NBEAL1: variants seen among roughly 807,000 people sequenced by gnomAD.
NBEAL1 encodes the protein neurobeachin-like protein 1.
In NBEAL1, 273 loss-of-function variants were observed where a neutral mutation model predicts 351.3. The ratio of observed to expected loss-of-function variants is 0.78; its 90% CI spans 0.70 to 0.86. The LOEUF is 0.86. Ranked by LOEUF, NBEAL1 falls within the 40% of genes least tolerant of loss-of-function variation. The pLI is 0.00. For missense variants in NBEAL1, 2,961 were observed against 3,201.3 expected (o/e 0.92, Z 1.81); for synonymous variants, 1,050 against 1,086.4 (o/e 0.97, Z 0.66).
chr2:203,126,606 T>C lies in NBEAL1; in HGVS notation c.3035T>C (p.Leu1012Pro), dbSNP rs1244735183. The stretch of plus-strand genomic sequence containing the variant: ...AATGTGTTGATGGCAGTTCAGTTAC[T>C]AATTGAACAAGTATCATTAGAGAAA... The part of the protein sequence containing the change: ...DVNVLMAVQL[L>P]IEQVSLEKNM... The change falls in exon 22 of 56, where the codon CTA becomes CCA. Residue 1012 changes from leucine (L) to proline (P), a missense_variant. Physicochemically the swap from Leu to Pro is moderately conservative, Grantham distance 98. Transcript: ENST00000683969. The C allele has an allele frequency of 5.9e-6, 9 of 1,520,534 alleles. No individual in the cohort carries two copies. Among genetic ancestry groups the C allele is most frequent in the Non-Finnish European group, 7.9e-6 (9 of 1,134,970 alleles). 94.2% of individuals were successfully genotyped at this position (1,520,534 alleles called of 1,614,324 possible). A position where few individuals can be genotyped will look rare whatever the true frequency, so the allele number is the denominator to read the frequency against.
chr2:203,115,504 C>G (rs879763410), intron 17 of NBEAL1, among the ~76,000 whole-genome samples: 10 of 152,156 alleles, frequency 6.6e-5, no homozygotes, highest in Non-Finnish European at 1.5e-4. Flanking sequence ...GGCGCAATCT[C>G]AGATCACTGC....
At chr2:203,158,010 A>G (rs960871892) in intron 36 of NBEAL1, among the ~76,000 whole-genome samples, 185 bp downstream of exon 36, 2 of 152,210 alleles carry the variant, frequency 1.3e-5, no homozygotes, top group Non-Finnish European at 2.9e-5. Context: ...CTGGGATAAC[A>G]TGGAACTGGA....
chr2:203,175,374 T>G, intron 42 of NBEAL1, 87 bp downstream of exon 42: 1 of 1,285,872 alleles, frequency 7.8e-7, no homozygotes. Flanking sequence ...GTGTAACATG[T>G]CTTTTTTATT....
chr2:203,141,889 T>A (rs2063391491), intron 31 of NBEAL1, among the ~76,000 whole-genome samples: 1 of 152,188 alleles, frequency 6.6e-6, no homozygotes, highest in Non-Finnish European at 1.5e-5. Context: ...TGTTAATTAA[T>A]TGCCAGTATT....
chr2:203,192,963 CTTT>C (rs71408917), intron 46 of NBEAL1, among the ~76,000 whole-genome samples: 2 of 99,330 alleles, frequency 2.0e-5, no homozygotes, highest in African/African-American at 3.9e-5. Context: ...TTCTTTCTTT[CTTT>C]TTTTTTTTTT....
In NBEAL1 at chr2:203,117,315, T is replaced by A. The variant is rs192723670; in HGVS notation, c.2592+1245T>A. On this transcript the variant is annotated intron_variant, in intron 18 of 55. Transcript: ENST00000683969. ...CCGTCTCTATAAAAATACAAAAAAT[T>A]AGCCAGGCGCGGTGGCGGGCGCCTG... is the stretch of plus-strand genomic sequence containing the variant. Among the ~76,000 whole-genome samples the A allele has an allele frequency of 4.6e-5, 7 of 152,000 alleles. No homozygotes were observed. In the East Asian group the frequency reaches 1.2e-3, roughly 25 times the overall value.
intron 37 of NBEAL1, 49 bp downstream of exon 37, chr2:203,166,346 C>G (rs748384043): frequency 4.0e-6 from 6 of 1,495,870 alleles, no homozygotes; most frequent in Admixed American, 2.1e-5. Flanking sequence ...AATTAAGTAT[C>G]TAATTTATCA....
intron 2 of NBEAL1, among the ~76,000 whole-genome samples, chr2:203,037,490 G>C (rs1203279701): frequency 6.7e-6 from 1 of 149,018 alleles, no homozygotes; most frequent in Non-Finnish European, 1.5e-5. Flanking sequence ...AAAATGCACA[G>C]ATTTTAAGTG....
At position 203,173,870 on chromosome 2, in the gene NBEAL1, G is replaced by A. The variant is rs1441508062; in HGVS notation, c.6323+1017G>A. On this transcript the variant is annotated intron_variant, in intron 41 of 55. Coordinates refer to ENST00000683969, the MANE Select transcript of NBEAL1 (RefSeq NM_001378026.1). The stretch of plus-strand genomic sequence containing the variant: ...GAATATTAATGAGTAGTATGTAAAA[G>A]GAAATTGGCCTCAGCTTAATGAACC... Among the ~76,000 whole-genome samples the A allele has an allele frequency of 2.0e-5, 3 of 152,014 alleles. No individual in the cohort carries two copies. The East Asian group carries it at 5.8e-4, about 29-fold the overall frequency.
chr2:203,050,016 G>A, intron 4 of NBEAL1, 41 bp downstream of exon 4: 1 of 1,530,904 alleles, frequency 6.5e-7, no homozygotes, highest in Non-Finnish European at 8.8e-7. Flanking sequence ...ACTCATAGGT[G>A]GGAGTTGAAC....
At chr2:203,193,676 A>T in intron 46 of NBEAL1, 119 bp from the exon 47 acceptor site, 1 of 602,340 alleles carries the variant, frequency 1.7e-6, no homozygotes, top group Middle Eastern at 4.6e-4. Context: ...AACACCTATA[A>T]TTGTCAACAA....
chr2:203,149,385 A>G (rs1164241878), intron 34 of NBEAL1, among the ~76,000 whole-genome samples: 1 of 152,084 alleles, frequency 6.6e-6, no homozygotes, highest in East Asian at 1.9e-4. Flanking sequence ...AGTTTATTGG[A>G]CTTTAGACTC....
chr2:203,114,649 T>A (rs1268184149), intron 17 of NBEAL1, among the ~76,000 whole-genome samples: 2 of 152,232 alleles, frequency 1.3e-5, no homozygotes, highest in Non-Finnish European at 2.9e-5. Flanking sequence ...TTCTTATTTG[T>A]CTAAATATCT....
chr2:203,186,114 C>T (rs2064890566), intron 44 of NBEAL1, among the ~76,000 whole-genome samples: 1 of 152,186 alleles, frequency 6.6e-6, no homozygotes, highest in Admixed American at 6.5e-5. Flanking sequence ...AGATCTATGT[C>T]ACAGGTACTC....
intron 12 of NBEAL1, among the ~76,000 whole-genome samples, chr2:203,101,937 A>G (rs921376616): frequency 2.0e-5 from 3 of 152,208 alleles, no homozygotes; most frequent in African/African-American, 7.2e-5. Context: ...CTTCCTATTC[A>G]TAAACATGGA....
At chr2:203,042,760 G>C (rs2061164059) in intron 3 of NBEAL1, among the ~76,000 whole-genome samples, 1 of 151,946 alleles carries the variant, frequency 6.6e-6, no homozygotes, top group African/African-American at 2.4e-5. Context: ...GCTAATTTTT[G>C]TATTTTTGGT....
At chr2:203,040,752 T>C in intron 2 of NBEAL1, 1 of 571,316 alleles carries the variant, frequency 1.8e-6, no homozygotes, top group Non-Finnish European at 3.3e-6. Context: ...TGGTGACCCA[T>C]CATGCTCAGG....
intron 7 of NBEAL1, among the ~76,000 whole-genome samples, chr2:203,073,993 G>T (rs951665056): frequency 1.3e-5 from 2 of 152,060 alleles, no homozygotes; most frequent in Non-Finnish European, 2.9e-5. Flanking sequence ...ACAAAATTTC[G>T]GTTAGGAAGA....
intron 43 of NBEAL1, chr2:203,183,002 T>G (rs1018519989): frequency 2.5e-5 from 5 of 201,782 alleles, no homozygotes; most frequent in Non-Finnish European, 4.9e-5. Context: ...GAAGAAAACT[T>G]AATTTTGCAT....
Sources: allele counts gnomAD v4.1 joint callset (sites outside exome capture counted in the v4.1 genomes callset), GRCh38; gene constraint gnomAD v4.1.1; transcripts MANE v1.5; gene names NCBI Gene and HGNC (gene_info 2026-07-23, HGNC 2026-07-21).